Variants in LSAMP observed in about 807,000 individuals in gnomAD.
The protein encoded by LSAMP is limbic system-associated membrane protein.
In LSAMP, 7 loss-of-function variants were observed where a neutral mutation model predicts 38.6. The observed-to-expected ratio is 0.18, with a 90% CI of 0.10 to 0.34. LSAMP has a LOEUF of 0.34. Ranked by LOEUF, LSAMP falls within the 10% of genes least tolerant of loss-of-function variation. LSAMP has a pLI of 1.00. For synonymous variants in LSAMP, 154 were observed against 166.8 expected (o/e 0.92, Z 0.59); for missense variants, 313 against 420.0 (o/e 0.75, Z 2.23).
intron 1 of LSAMP, among the ~76,000 whole-genome samples, chr3:116,330,548 T>C (rs1236693557): frequency 6.7e-6 from 1 of 149,410 alleles, no homozygotes; most frequent in African/African-American, 2.5e-5. Flanking sequence ...ACCAGCATGC[T>C]CCCCCCCCCA....
At chr3:115,891,094 C>T (rs1292298198) in intron 3 of LSAMP, among the ~76,000 whole-genome samples, 6 of 151,916 alleles carry the variant, frequency 3.9e-5, no homozygotes, top group Non-Finnish European at 7.4e-5. Context: ...TTACCCCTAA[C>T]AATACTTTCA....
intron 1 of LSAMP, among the ~76,000 whole-genome samples, chr3:116,271,594 A>T (rs2046974016): frequency 6.6e-6 from 1 of 152,126 alleles, no homozygotes. Flanking sequence ...AGTTGGGGCC[A>T]CATGCTTTAG....
At chr3:116,054,844 C>T (rs970249406) in intron 2 of LSAMP, among the ~76,000 whole-genome samples, 3 of 152,144 alleles carry the variant, frequency 2.0e-5, no homozygotes, top group African/African-American at 7.2e-5. Context: ...GATTGAAGAA[C>T]AAAAGTGCCC....
chr3:115,817,006 A>T (rs1312240821), intron 6 of LSAMP, among the ~76,000 whole-genome samples: 1 of 152,168 alleles, frequency 6.6e-6, no homozygotes, highest in Non-Finnish European at 1.5e-5. Flanking sequence ...ACCTCGTCCT[A>T]CCATTTTGCC....
At chr3:115,909,370 ATATGAG>A (rs1245684814) in intron 3 of LSAMP, among the ~76,000 whole-genome samples, 3 of 152,184 alleles carry the variant, frequency 2.0e-5, no homozygotes, top group Admixed American at 6.5e-5. Flanking sequence ...CTGTCTTGAG[ATATGAG>A]TATAAGAACC....
chr3:116,201,449 T>C (rs2045984910), intron 1 of LSAMP, among the ~76,000 whole-genome samples: 1 of 152,180 alleles, frequency 6.6e-6, no homozygotes, highest in African/African-American at 2.4e-5. Flanking sequence ...TCATGGATAG[T>C]CAACTCCCAT....
intron 1 of LSAMP, among the ~76,000 whole-genome samples, chr3:116,371,100 G>A (rs1028504356): frequency 3.3e-5 from 5 of 152,116 alleles, no homozygotes; most frequent in Admixed American, 2.6e-4. Flanking sequence ...AGTAACTGAT[G>A]GCTTCACTGG....
rs528944294 is a variant in LSAMP, at chr3:115,888,304, A to T, written c.515-35687T>A. ...TTAACATAACTGTAGAAAAACATCC[A>T]TCCCTTAATACATTGCTGTTTATCT... On this transcript the variant is annotated intron_variant, in intron 3 of 6. Transcript: ENST00000490035. Among the ~76,000 whole-genome samples the T allele has an allele frequency of 1.4e-4, 21 of 152,012 alleles. No homozygotes were observed. The South Asian group carries it at 4.2e-3, about 30-fold the overall frequency.
At chr3:116,261,966 T>C (rs1440673549) in intron 1 of LSAMP, among the ~76,000 whole-genome samples, 1 of 151,324 alleles carries the variant, frequency 6.6e-6, no homozygotes, top group Non-Finnish European at 1.5e-5. Flanking sequence ...AAGAGACCAG[T>C]TGAGCAAGGG....
At chr3:116,157,570 A>C (rs1187824802) in intron 1 of LSAMP, among the ~76,000 whole-genome samples, 1 of 152,180 alleles carries the variant, frequency 6.6e-6, no homozygotes, top group Non-Finnish European at 1.5e-5. Context: ...GAAAACGTAA[A>C]ACAGAAATAA....
chr3:116,150,932 T>C (rs1009734978), intron 1 of LSAMP, among the ~76,000 whole-genome samples: 1 of 152,084 alleles, frequency 6.6e-6, no homozygotes, highest in African/African-American at 2.4e-5. Context: ...CAAAGTAAAC[T>C]ATCTTTGGCT....
chr3:115,910,620 T>A (rs1937113386), intron 3 of LSAMP, among the ~76,000 whole-genome samples: 1 of 152,200 alleles, frequency 6.6e-6, no homozygotes, highest in Non-Finnish European at 1.5e-5. Context: ...TTGAGCTTGA[T>A]ATAGTTAAGA....
At chr3:116,080,624 C>T (rs1341695236) in intron 2 of LSAMP, among the ~76,000 whole-genome samples, 1 of 152,218 alleles carries the variant, frequency 6.6e-6, no homozygotes, top group Non-Finnish European at 1.5e-5. Context: ...TCTTCCCTTT[C>T]ATTAGCTGTC....
chr3:116,208,315 A>G (rs1161690919), intron 1 of LSAMP, among the ~76,000 whole-genome samples: 2 of 149,044 alleles, frequency 1.3e-5, no homozygotes, highest in African/African-American at 2.5e-5. Context: ...AATTTTTTTC[A>G]AAGTTTTAAA....
At chr3:116,432,779 C>T (rs1361288452) in intron 1 of LSAMP, among the ~76,000 whole-genome samples, 1 of 152,020 alleles carries the variant, frequency 6.6e-6, no homozygotes. Context: ...TTTTTTCATG[C>T]CCAATCTAGA....
intron 6 of LSAMP, among the ~76,000 whole-genome samples, chr3:115,831,734 G>T (rs1459175236): frequency 1.3e-5 from 2 of 152,114 alleles, no homozygotes; most frequent in Non-Finnish European, 2.9e-5. Flanking sequence ...TGCAATTCAG[G>T]ACTCACTTCA....
intron 1 of LSAMP, among the ~76,000 whole-genome samples, chr3:116,343,524 T>C (rs2048024201): frequency 6.6e-6 from 1 of 152,132 alleles, no homozygotes; most frequent in Non-Finnish European, 1.5e-5. Flanking sequence ...GATAGTCACC[T>C]GAGGCAGCCA....
chr3:116,157,747 T>C (rs1229235730), intron 1 of LSAMP, among the ~76,000 whole-genome samples: 1 of 151,950 alleles, frequency 6.6e-6, no homozygotes, highest in Admixed American at 6.6e-5. Context: ...ATGGATCCGA[T>C]GGATTCACAG....
At chr3:116,410,147 G>A (rs182459816) in intron 1 of LSAMP, among the ~76,000 whole-genome samples, 33 of 152,070 alleles carry the variant, frequency 2.2e-4, no homozygotes, top group African/African-American at 6.5e-4. Flanking sequence ...GCTGTTTTTC[G>A]TAAATCTCTA....
Sources: gnomAD v4.1 joint callset for allele counts (sites outside exome capture counted in the v4.1 genomes callset) on GRCh38, gnomAD v4.1.1 for gene constraint, MANE v1.5 for transcripts, NCBI Gene and HGNC (gene_info 2026-07-23, HGNC 2026-07-21) for gene names.